CDH12: variants seen among roughly 807,000 people sequenced by gnomAD.
The protein encoded by CDH12 is cadherin-12.
A neutral mutation model predicts 74.1 loss-of-function variants in CDH12; 41 were observed. That is an observed-to-expected ratio of 0.55 (90% CI 0.43 to 0.72). The LOEUF is 0.72. CDH12 is among the 30% of genes least tolerant of loss of function. CDH12 has a pLI of 0.00. For synonymous variants in CDH12, 399 were observed against 355.0 expected (o/e 1.12, Z -1.39); for missense variants, 945 against 977.2 (o/e 0.97, Z 0.44).
chr5:22,729,190 G>A (rs1308425143), intron 1 of CDH12, among the ~76,000 whole-genome samples: 1 of 151,706 alleles, frequency 6.6e-6, no homozygotes, highest in African/African-American at 2.4e-5. Context: ...TTTTCTCAGG[G>A]TCTCATAAAG....
chr5:22,269,543 C>T (rs1356878167), intron 3 of CDH12, among the ~76,000 whole-genome samples: 1 of 151,912 alleles, frequency 6.6e-6, no homozygotes, highest in African/African-American at 2.4e-5. Flanking sequence ...TTAAATTAGC[C>T]ATATTAGAGC....
rs74590835 is a variant in CDH12 at position 22,466,221 on chromosome 5, G to T, written c.-428+39049C>A. ...GCCCTATGCTTTAGAAGACCCTGATGATCACAAATTAAAACAGAAAATGTT... is the reference window on the plus strand; with the variant it reads ...GCCCTATGCTTTAGAAGACCCTGATTATCACAAATTAAAACAGAAAATGTT... On this transcript the variant is annotated intron_variant, in intron 2 of 14. Transcript: ENST00000382254. 8.0e-3 allele frequency among the ~76,000 whole-genome samples: 1,213 copies of T among 152,290 alleles called. 13 individuals are homozygous for T. Among genetic ancestry groups the T allele is most frequent in the African/African-American group, 0.027 (1,141 of 41,554 alleles).
intron 8 of CDH12, among the ~76,000 whole-genome samples, chr5:21,817,499 G>C (rs974699515): frequency 3.3e-5 from 5 of 151,812 alleles, no homozygotes; most frequent in Non-Finnish European, 5.9e-5. Context: ...GCAAGACATA[G>C]ATAAAAAGTT....
intron 6 of CDH12, among the ~76,000 whole-genome samples, chr5:21,921,262 C>A (rs1184689825): frequency 6.6e-6 from 1 of 152,144 alleles, no homozygotes; most frequent in Non-Finnish European, 1.5e-5. Context: ...GCCTTAAAAT[C>A]ATAAATGAGG....
chr5:22,478,739 C>A (rs748780198), intron 2 of CDH12, among the ~76,000 whole-genome samples: 2 of 151,718 alleles, frequency 1.3e-5, no homozygotes, highest in Non-Finnish European at 2.9e-5. Context: ...GATTTAAAAT[C>A]GCAAAGTGCT....
chr5:22,708,091 T>C (rs1202557195), intron 1 of CDH12, among the ~76,000 whole-genome samples: 1 of 152,192 alleles, frequency 6.6e-6, no homozygotes, highest in African/African-American at 2.4e-5. Flanking sequence ...TAAATAAACA[T>C]ATTAATATCT....
intron 11 of CDH12, among the ~76,000 whole-genome samples, chr5:21,766,851 A>G (rs1016795266): frequency 2.6e-5 from 4 of 151,906 alleles, no homozygotes; most frequent in Non-Finnish European, 4.4e-5. Flanking sequence ...TACAGCAACT[A>G]TGATATAGGC....
intron 1 of CDH12, among the ~76,000 whole-genome samples, chr5:22,776,339 C>A (rs563779057): frequency 4.9e-4 from 75 of 152,244 alleles, no homozygotes; most frequent in African/African-American, 1.7e-3. Context: ...ATGTTTAGCA[C>A]CTACTACTTA....
At chr5:21,880,617 T>TTCCTTCCTTCTTTCTC (rs1579896092) in intron 6 of CDH12, among the ~76,000 whole-genome samples, 7 of 53,936 alleles carry the variant, frequency 1.3e-4, no homozygotes, top group East Asian at 5.9e-4. Flanking sequence ...CCTTCCTTCC[T>TTCCTTCCTTCTTTCTC]TCTTTCTTTC....
intron 6 of CDH12, among the ~76,000 whole-genome samples, chr5:21,970,573 C>T (rs1756798467): frequency 6.6e-6 from 1 of 151,894 alleles, no homozygotes; most frequent in Admixed American, 6.6e-5. Flanking sequence ...GGCACTGTGG[C>T]TCATGTCCTT....
chr5:21,752,366 A>G (rs768401653), intron 14 of CDH12, 130 bp from the exon 15 acceptor site: 11 of 730,976 alleles, frequency 1.5e-5, no homozygotes, highest in Non-Finnish European at 2.5e-5. Context: ...CATAGTAAAC[A>G]TACCATAATC....
At position 22,704,652 on chromosome 5, in the gene CDH12, C is replaced by T. The variant is rs187229003; in HGVS notation, c.-523+148406G>A. ...GAAAATCTAGAACTACCTAAACTGACGGGGAATAGTTTGGAAAAAGTTAGA... is the reference window on the plus strand; with the variant it reads ...GAAAATCTAGAACTACCTAAACTGATGGGGAATAGTTTGGAAAAAGTTAGA... On this transcript the variant is annotated intron_variant, in intron 1 of 14. Transcript: ENST00000382254. Among the ~76,000 whole-genome samples, 371 of 151,998 alleles carry T rather than the reference C, an allele frequency of 2.4e-3. 3 individuals are homozygous for T. Among genetic ancestry groups the T allele is most frequent in the African/African-American group, 3.5e-3 (144 of 41,496 alleles).
chr5:22,647,556 C>G (rs540547242), intron 1 of CDH12, among the ~76,000 whole-genome samples: 162 of 151,884 alleles, frequency 1.1e-3, no homozygotes, highest in African/African-American at 3.6e-3. Context: ...TGTGTCCTCA[C>G]TGGTCACAGA....
chr5:22,718,125 A>G (rs1743678675), intron 1 of CDH12, among the ~76,000 whole-genome samples: 1 of 152,222 alleles, frequency 6.6e-6, no homozygotes, highest in African/African-American at 2.4e-5. Context: ...AATTCATCAA[A>G]TGCTCAATTA....
chr5:22,644,233 G>C (rs1739317718), intron 1 of CDH12, among the ~76,000 whole-genome samples: 1 of 152,100 alleles, frequency 6.6e-6, no homozygotes, highest in Non-Finnish European at 1.5e-5. Context: ...CGAAAGCTGA[G>C]ACAGTCTGCT....
At chr5:22,777,873 C>T (rs986471741) in intron 1 of CDH12, among the ~76,000 whole-genome samples, 14 of 151,872 alleles carry the variant, frequency 9.2e-5, no homozygotes, top group African/African-American at 3.4e-4. Context: ...GAGTGCAGTG[C>T]TGTGATTTAA....
chr5:22,063,904 C>T (rs182475058), intron 5 of CDH12, among the ~76,000 whole-genome samples: 33 of 151,794 alleles, frequency 2.2e-4, no homozygotes, highest in African/African-American at 7.0e-4. Flanking sequence ...CACTGCAGAT[C>T]GGACATGCTC....
chr5:22,159,506 T>C (rs1408873006), intron 4 of CDH12, among the ~76,000 whole-genome samples: 2 of 152,166 alleles, frequency 1.3e-5, no homozygotes, highest in Non-Finnish European at 2.9e-5. Flanking sequence ...AATTATAGCT[T>C]ACATGGTTCA....
chr5:22,112,370 A>C (rs1490781658), intron 4 of CDH12, among the ~76,000 whole-genome samples: 1 of 152,164 alleles, frequency 6.6e-6, no homozygotes, highest in Non-Finnish European at 1.5e-5. Flanking sequence ...GTGTATACAT[A>C]CGCACACACA....
Sources: allele counts gnomAD v4.1 joint callset (sites outside exome capture counted in the v4.1 genomes callset), GRCh38; gene constraint gnomAD v4.1.1; transcripts MANE v1.5; gene names NCBI Gene and HGNC (gene_info 2026-07-23, HGNC 2026-07-21).